SNX8: variants seen among roughly 807,000 people sequenced by gnomAD.
SNX8 encodes sorting nexin 8.
SNX8 carries 25 observed loss-of-function variants against 51.6 expected under a neutral mutation model. The observed-to-expected ratio is 0.48, with a 90% CI of 0.35 to 0.68. The LOEUF (loss-of-function observed/expected upper bound fraction) is 0.68. SNX8 is among the 30% of genes least tolerant of loss of function. SNX8 has a pLI of 0.00. For missense variants in SNX8, 695 were observed against 624.0 expected (o/e 1.11, Z -1.21); for synonymous variants, 324 against 277.0 (o/e 1.17, Z -1.68).
chr7:2,305,061 G>A (rs1373201842), intron 1 of SNX8, among the ~76,000 whole-genome samples: 1 of 152,202 alleles, frequency 6.6e-6, no homozygotes, highest in Non-Finnish European at 1.5e-5. Context: ...GGGTCTGGGT[G>A]CTCCTTCCTG....
chr7:2,345,249 A>G (rs986665175), intron 1 of SNX8, among the ~76,000 whole-genome samples: 4 of 152,242 alleles, frequency 2.6e-5, no homozygotes, highest in African/African-American at 9.6e-5. Context: ...CATGCAATGT[A>G]TAAACTAGAA....
chr7:2,329,324 TA>T (rs200238079), intron 1 of SNX8, among the ~76,000 whole-genome samples: 3 of 151,316 alleles, frequency 2.0e-5, no homozygotes, highest in Non-Finnish European at 2.9e-5. Flanking sequence ...AAATAAAATT[TA>T]AAAAAAAGGT....
intron 1 of SNX8, among the ~76,000 whole-genome samples, chr7:2,297,276 C>T (rs971172742): frequency 6.6e-5 from 10 of 151,454 alleles, no homozygotes; most frequent in East Asian, 1.9e-4. Flanking sequence ...AGGGGACGGG[C>T]ATGGTGGCTC....
chr7:2,351,192 C>T (rs1335143016), intron 1 of SNX8, among the ~76,000 whole-genome samples: 1 of 152,118 alleles, frequency 6.6e-6, no homozygotes, highest in Non-Finnish European at 1.5e-5. Flanking sequence ...GGAGCCTCAT[C>T]CGGCCATCTC....
intron 1 of SNX8, among the ~76,000 whole-genome samples, chr7:2,284,688 G>C (rs1398326732): frequency 6.6e-6 from 1 of 151,956 alleles, no homozygotes. Flanking sequence ...ACAGGCGTGA[G>C]CCACTGTGCC....
At chr7:2,290,366 C>G (rs754620796) in intron 1 of SNX8, among the ~76,000 whole-genome samples, 12 of 151,698 alleles carry the variant, frequency 7.9e-5, no homozygotes, top group African/African-American at 2.7e-4. Flanking sequence ...TAGCCAGGCA[C>G]GGTGATGCAT....
chr7:2,351,035 C>G (rs1017866436), intron 1 of SNX8, among the ~76,000 whole-genome samples: 1 of 152,120 alleles, frequency 6.6e-6, no homozygotes, highest in East Asian at 1.9e-4. Context: ...GGGAGGATCA[C>G]GAGCCTGGGA....
intron 1 of SNX8, among the ~76,000 whole-genome samples, chr7:2,332,214 A>AAT (rs921817573): frequency 6.7e-5 from 10 of 150,194 alleles, no homozygotes; most frequent in Admixed American, 2.0e-4. Context: ...CTCAGAAAAA[A>AAT]ATATATATAT....
At chr7:2,274,639 T>C (rs796171697) in intron 3 of SNX8, among the ~76,000 whole-genome samples, 46 of 152,348 alleles carry the variant, frequency 3.0e-4, no homozygotes, top group African/African-American at 1.0e-3. Flanking sequence ...AAGATGCAGC[T>C]GACATTTCCT....
chr7:2,335,802 CAAAAA>C (rs1173439746), intron 1 of SNX8, among the ~76,000 whole-genome samples: 1 of 30,644 alleles, frequency 3.3e-5, no homozygotes, highest in African/African-American at 1.1e-4. Flanking sequence ...GACTCTGTCT[CAAAAA>C]AAAAAAAAAA....
intron 7 of SNX8, among the ~76,000 whole-genome samples, chr7:2,258,251 C>T (rs972430597): frequency 1.3e-5 from 2 of 152,068 alleles, no homozygotes; most frequent in African/African-American, 4.8e-5. Flanking sequence ...CTCCAGACCT[C>T]GTGATCCGCC....
chr7:2,285,987 T>C (rs1306597082), intron 1 of SNX8, among the ~76,000 whole-genome samples: 2 of 151,960 alleles, frequency 1.3e-5, no homozygotes, highest in Admixed American at 1.3e-4. Context: ...CCAGCCTAGG[T>C]TGTATACTTT....
chr7:2,293,554 C>T (rs1042675826), intron 1 of SNX8, among the ~76,000 whole-genome samples: 2 of 150,912 alleles, frequency 1.3e-5, no homozygotes, highest in Non-Finnish European at 2.9e-5. Context: ...CCCAGCTACT[C>T]GGAAGGCTGA....
chr7:2,272,039 GT>G, intron 3 of SNX8, 68 bp from the exon 4 acceptor site: 1 of 1,597,936 alleles, frequency 6.3e-7, no homozygotes, highest in Non-Finnish European at 8.5e-7. Flanking sequence ...CTCTGGGCGA[GT>G]TCTCAAAACT....
At chr7:2,340,224 G>A (rs888402944) in intron 1 of SNX8, among the ~76,000 whole-genome samples, 5 of 151,442 alleles carry the variant, frequency 3.3e-5, no homozygotes, top group East Asian at 1.9e-4. Flanking sequence ...CACCATGCCC[G>A]GCTAATTTTC....
intron 1 of SNX8, among the ~76,000 whole-genome samples, chr7:2,323,931 C>A (rs1174923838): frequency 1.3e-5 from 2 of 151,862 alleles, no homozygotes; most frequent in African/African-American, 4.8e-5. Context: ...ACCAGCCTAG[C>A]CAACATGGTA....
chr7:2,314,888 C>G (rs1302839448), upstream of SNX8, among the ~76,000 whole-genome samples: 1 of 151,904 alleles, frequency 6.6e-6, no homozygotes, highest in Non-Finnish European at 1.5e-5. Context: ...ATTCATTCAC[C>G]CACTCACTCA....
At position 2,271,832 on chromosome 7, in the gene SNX8, C is replaced by A; in HGVS notation, c.540+18G>T. ...GGACTCCCCGGGGCCGGGACATGGG[C>A]AGGGCAGACACACTCACCGAGCCGC... is the stretch of plus-strand genomic sequence containing the variant. On this transcript the variant is annotated intron_variant, in intron 4 of 10. Coordinates refer to ENST00000222990, the MANE Select transcript of SNX8 (RefSeq NM_013321.4). 2 of 1,591,274 alleles carry A rather than the reference C, an allele frequency of 1.3e-6. No individual in the cohort carries two copies. The highest frequency in any genetic ancestry group is 1.7e-6 in the Non-Finnish European group (2 of 1,169,106).
intron 3 of SNX8, among the ~76,000 whole-genome samples, chr7:2,274,450 G>A (rs1012286937): frequency 1.3e-5 from 2 of 152,248 alleles, no homozygotes; most frequent in African/African-American, 2.4e-5. Flanking sequence ...GGAACGGGCT[G>A]AGGGAGAGAC....
Sources: gnomAD v4.1 joint callset for allele counts (sites outside exome capture counted in the v4.1 genomes callset) on GRCh38, gnomAD v4.1.1 for gene constraint, MANE v1.5 for transcripts, NCBI Gene and HGNC (gene_info 2026-07-23, HGNC 2026-07-21) for gene names.